Variants in DYNC2H1 observed in about 807,000 individuals in gnomAD.
DYNC2H1 encodes cytoplasmic dynein 2 heavy chain 1.
Under a neutral mutation model 570.0 loss-of-function variants are expected in DYNC2H1, and 410 were observed. The observed-to-expected ratio is 0.72, with a 90% CI of 0.66 to 0.78. The LOEUF is 0.78. DYNC2H1 is among the 30% of genes least tolerant of loss of function. The probability of loss-of-function intolerance (pLI) is 0.00; values close to 1 mark genes in which losing one functional copy is unlikely to be tolerated. For missense variants in DYNC2H1, 4,865 were observed against 5,046.4 expected (o/e 0.96, Z 1.09); for synonymous variants, 1,688 against 1,677.6 (o/e 1.01, Z -0.15).
At chr11:103,202,106 A>C (rs921180325) in intron 50 of DYNC2H1, among the ~76,000 whole-genome samples, 3 of 152,192 alleles carry the variant, frequency 2.0e-5, no homozygotes, top group Non-Finnish European at 2.9e-5. Flanking sequence ...AGGATGCTCT[A>C]ATTAGACAAG....
chr11:103,428,623 T>G lies in DYNC2H1; in HGVS notation c.12367-7320T>G, dbSNP rs1591741759. 3.9e-5 allele frequency among the ~76,000 whole-genome samples: 6 copies of G among 152,286 alleles called. No individual in the cohort carries two copies. In the East Asian group the frequency reaches 7.7e-4, roughly 20 times the overall value. ...TTGAAAAACTGAAACTCTGTCCTATTAAACAACAGCTCCCATTCACCCCTT... is the reference window on the plus strand; with the variant it reads ...TTGAAAAACTGAAACTCTGTCCTATGAAACAACAGCTCCCATTCACCCCTT... On this transcript the variant is annotated intron_variant, in intron 84 of 88. Coordinates refer to ENST00000375735, the MANE Select transcript of DYNC2H1 (RefSeq NM_001377.3).
chr11:103,401,949 G>A (rs1942662083), intron 84 of DYNC2H1: 1 of 152,088 alleles, frequency 6.6e-6, no homozygotes, highest in Non-Finnish European at 1.5e-5. Flanking sequence ...GGTTCTATGT[G>A]ATATTAATAA....
chr11:103,383,877 T>G (rs1314982556), intron 83 of DYNC2H1, among the ~76,000 whole-genome samples: 1 of 152,186 alleles, frequency 6.6e-6, no homozygotes, highest in Non-Finnish European at 1.5e-5. Context: ...ATTGTTCACT[T>G]TTAAATATTT....
At chr11:103,443,529 GA>G (rs555729795) in intron 85 of DYNC2H1, among the ~76,000 whole-genome samples, 194 of 151,828 alleles carry the variant, frequency 1.3e-3, no homozygotes, top group African/African-American at 4.4e-3. Flanking sequence ...AATAATTTAA[GA>G]AAATATTTTT....
intron 87 of DYNC2H1, among the ~76,000 whole-genome samples, chr11:103,467,607 G>A (rs1004377930): frequency 6.6e-6 from 1 of 152,058 alleles, no homozygotes; most frequent in Non-Finnish European, 1.5e-5. Flanking sequence ...GCGCGATCTC[G>A]GCTCACTGCA....
chr11:103,233,050 T>C (rs1402860910), intron 60 of DYNC2H1, among the ~76,000 whole-genome samples: 2 of 151,980 alleles, frequency 1.3e-5, no homozygotes, highest in African/African-American at 4.8e-5. Flanking sequence ...TTTGTCCATA[T>C]TGGACAAATT....
intron 55 of DYNC2H1, 28 bp downstream of exon 55, chr11:103,215,886 A>C (rs1283497974): frequency 6.2e-7 from 1 of 1,601,762 alleles, no homozygotes; most frequent in East Asian, 2.2e-5. Flanking sequence ...CACAAAAATG[A>C]AAACAATATG....
chr11:103,142,980 A>C (rs1015869498), intron 17 of DYNC2H1, among the ~76,000 whole-genome samples: 2 of 152,208 alleles, frequency 1.3e-5, no homozygotes, highest in African/African-American at 4.8e-5. Context: ...GATTTTGCAG[A>C]AATGATTCCA....
At chr11:103,343,978 G>A (rs1411084022) in intron 82 of DYNC2H1, among the ~76,000 whole-genome samples, 1 of 152,154 alleles carries the variant, frequency 6.6e-6, no homozygotes, top group South Asian at 2.1e-4. Context: ...TCAGGGAAAT[G>A]ATAAAGTACA....
At chr11:103,162,918 G>A (rs2134928913) in intron 29 of DYNC2H1, 110 bp from the exon 30 acceptor site, 1 of 936,776 alleles carries the variant, frequency 1.1e-6, no homozygotes, top group Non-Finnish European at 1.5e-6. Context: ...ACCCCGTCTT[G>A]AAATAACAGT....
intron 73 of DYNC2H1, among the ~76,000 whole-genome samples, 197 bp downstream of exon 73, chr11:103,283,282 G>A: frequency 6.6e-6 from 1 of 151,914 alleles, no homozygotes; most frequent in East Asian, 1.9e-4. Flanking sequence ...TTATGAAATA[G>A]CATGCCTTCC....
At chr11:103,423,039 G>T (rs6591022) in intron 84 of DYNC2H1, among the ~76,000 whole-genome samples, 16,210 of 144,942 alleles carry the variant, frequency 0.11, 1,116 homozygotes, top group African/African-American at 0.21. Flanking sequence ...AATGCAAAGG[G>T]TCTACTGTAG....
intron 84 of DYNC2H1, among the ~76,000 whole-genome samples, chr11:103,431,134 A>G (rs1943875822): frequency 6.6e-6 from 1 of 151,366 alleles, no homozygotes; most frequent in Non-Finnish European, 1.5e-5. Flanking sequence ...CTTTTGTGAC[A>G]TCTTTCATGA....
rs1186566446 is a variant in DYNC2H1, at chr11:103,472,120, T to G, written c.12765+3415T>G. Among the ~76,000 whole-genome samples the G allele has an allele frequency of 2.0e-5, 3 of 152,114 alleles. No individual in the cohort carries two copies. Among genetic ancestry groups the G allele is most frequent in the Non-Finnish European group, 4.4e-5 (3 of 68,004 alleles). ...GTACATCTGGAGGGTATAGTTCATATGGAAGAATGGTGGGGGATGCGGCCA... is the reference window on the plus strand; with the variant it reads ...GTACATCTGGAGGGTATAGTTCATAGGGAAGAATGGTGGGGGATGCGGCCA... On this transcript the variant is annotated intron_variant, in intron 88 of 88. Coordinates refer to ENST00000375735, the MANE Select transcript of DYNC2H1 (RefSeq NM_001377.3). The surrounding 1 kb of genome is among the most constrained non-coding windows in gnomAD (Gnocchi z 4.1).
chr11:103,398,201 G>A (rs1289199449), intron 83 of DYNC2H1, among the ~76,000 whole-genome samples: 1 of 152,028 alleles, frequency 6.6e-6, no homozygotes, highest in Non-Finnish European at 1.5e-5. Flanking sequence ...AATTTTATTT[G>A]AATTTTATTA....
At chr11:103,137,924 C>T (rs1393629071) in intron 17 of DYNC2H1, among the ~76,000 whole-genome samples, 1 of 149,926 alleles carries the variant, frequency 6.7e-6, no homozygotes, top group African/African-American at 2.4e-5. Flanking sequence ...TTGTAGTTCT[C>T]CTTGAAGAGG....
intron 81 of DYNC2H1, among the ~76,000 whole-genome samples, chr11:103,322,908 C>A (rs1467894785): frequency 2.6e-5 from 4 of 152,052 alleles, no homozygotes; most frequent in African/African-American, 9.7e-5. Flanking sequence ...TGATTGAATA[C>A]CTTGAGGAAG....
At chr11:103,315,065 C>A (rs1386319915) in intron 79 of DYNC2H1, among the ~76,000 whole-genome samples, 1 of 151,552 alleles carries the variant, frequency 6.6e-6, no homozygotes, top group African/African-American at 2.4e-5. Flanking sequence ...AAATTTAAAT[C>A]TTTTGTTTTC....
chr11:103,124,563 TTG>T (rs1463667225), intron 11 of DYNC2H1, among the ~76,000 whole-genome samples: 9 of 152,120 alleles, frequency 5.9e-5, no homozygotes, highest in African/African-American at 1.2e-4. Flanking sequence ...CCATTCTGAT[TTG>T]AGTTCCCCAA....
Sources: gnomAD v4.1 joint callset for allele counts (sites outside exome capture counted in the v4.1 genomes callset) on GRCh38, gnomAD v4.1.1 for gene constraint, Gnocchi (gnomAD v3.1) non-coding constraint, MANE v1.5 for transcripts, NCBI Gene and HGNC (gene_info 2026-07-23, HGNC 2026-07-21) for gene names.